GJB7: variants seen among roughly 807,000 people sequenced by gnomAD.
The protein encoded by GJB7 is gap junction protein beta 7.
For synonymous variants in GJB7, 87 were observed against 95.2 expected, an observed-to-expected ratio of 0.91 and a Z score of 0.50; for missense variants, 253 against 256.8, an observed-to-expected ratio of 0.99 and a Z score of 0.10.
chr6:87,311,446 C>G (rs542956335), intron 2 of GJB7, among the ~76,000 whole-genome samples: 1 of 152,234 alleles, frequency 6.6e-6, no homozygotes, highest in South Asian at 2.1e-4. Flanking sequence ...ACAAAGACCA[C>G]CAGAAAAACC....
chr6:87,283,942 C>T lies in GJB7; in HGVS notation c.*299G>A, dbSNP rs1022639648. 2.7e-5 allele frequency: 7 copies of T among 257,826 alleles called. No homozygotes were observed. Among genetic ancestry groups the T allele is most frequent in the Admixed American group, 4.8e-5 (1 of 20,676 alleles). The allele number at this position is 257,826 out of a possible 1,614,324, so 16.0% of individuals were successfully genotyped here. ...ATTCTAAAACAACTAATGTTATCCA[C>T]ATACTGGAGAACCCTACAACAAAAC... On this transcript the variant is annotated 3_prime_UTR_variant, in exon 3 of 3. Transcript: ENST00000525899.
rs1776003985 is a variant in GJB7 at position 87,283,287 on chromosome 6, T to A, written c.*954A>T. 1 of 152,244 alleles carries A rather than the reference T, an allele frequency of 6.6e-6. No individual in the cohort carries two copies. Among genetic ancestry groups the A allele is most frequent in the African/African-American group, 2.4e-5 (1 of 41,458 alleles). 9.4% of individuals were successfully genotyped at this position (152,244 alleles called of 1,614,324 possible). The stretch of plus-strand genomic sequence containing the variant: ...TATGAATATTTACAAAGTATTTCAA[T>A]GTTCTTTTGGTTAAATAGAAGTCTT... On this transcript the variant is annotated 3_prime_UTR_variant, in exon 3 of 3. Transcript: ENST00000525899.
chr6:87,302,610 T>C (rs1469189170), intron 2 of GJB7, among the ~76,000 whole-genome samples: 1 of 152,174 alleles, frequency 6.6e-6, no homozygotes, highest in East Asian at 1.9e-4. Context: ...CTCTGCAGGA[T>C]ATTATGCAGG....
chr6:87,296,660 G>A (rs1323101295), intron 2 of GJB7, among the ~76,000 whole-genome samples: 3 of 152,208 alleles, frequency 2.0e-5, no homozygotes, highest in African/African-American at 7.2e-5. Context: ...TTACAAGTGT[G>A]TTGGACTGAA....
At chr6:87,327,455 C>G (rs1288469211) in intron 1 of GJB7, among the ~76,000 whole-genome samples, 5 of 152,194 alleles carry the variant, frequency 3.3e-5, no homozygotes, top group Admixed American at 6.5e-5. Context: ...GCCTGCTGGT[C>G]ACAAAATCTC....
chr6:87,303,985 A>G (rs923845025), intron 2 of GJB7, among the ~76,000 whole-genome samples: 2 of 152,210 alleles, frequency 1.3e-5, no homozygotes, highest in African/African-American at 2.4e-5. Flanking sequence ...CATAAGAACA[A>G]AGACACAACA....
At chr6:87,318,119 A>AAT (rs1562216691) in intron 2 of GJB7, among the ~76,000 whole-genome samples, 3 of 144,208 alleles carry the variant, frequency 2.1e-5, no homozygotes, top group Non-Finnish European at 4.5e-5. Context: ...TCCCCATTCT[A>AAT]TTTTTTTTTT....
chr6:87,313,245 A>G (rs954659876), intron 2 of GJB7, among the ~76,000 whole-genome samples: 1 of 152,232 alleles, frequency 6.6e-6, no homozygotes, highest in African/African-American at 2.4e-5. Context: ...GGATAAAAAG[A>G]TAGACAAAAA....
chr6:87,305,376 C>T (rs1308443215), intron 2 of GJB7, among the ~76,000 whole-genome samples: 1 of 152,044 alleles, frequency 6.6e-6, no homozygotes, highest in Non-Finnish European at 1.5e-5. Context: ...TTCTTATACA[C>T]CAATAACAGA....
At chr6:87,304,977 C>A (rs547518086) in intron 2 of GJB7, among the ~76,000 whole-genome samples, 5 of 152,086 alleles carry the variant, frequency 3.3e-5, no homozygotes, top group Admixed American at 6.5e-5. Context: ...ATTCAACAGC[C>A]CTTCATGCTA....
intron 2 of GJB7, among the ~76,000 whole-genome samples, chr6:87,309,162 G>A (rs1364956500): frequency 1.3e-5 from 2 of 152,164 alleles, no homozygotes; most frequent in African/African-American, 4.8e-5. Context: ...GATTCACCTT[G>A]TTGGTGTGAA....
At chr6:87,299,354 A>G (rs1371957639) in intron 2 of GJB7, 3 of 489,008 alleles carry the variant, frequency 6.1e-6, no homozygotes, top group Non-Finnish European at 1.2e-5. Flanking sequence ...CTCACAGTAA[A>G]GGATGGAAAA....
intron 2 of GJB7, chr6:87,299,523 A>G (rs1236956912): frequency 3.3e-6 from 1 of 303,836 alleles, no homozygotes; most frequent in Non-Finnish European, 6.4e-6. Flanking sequence ...AGACCACTGT[A>G]CCTGCTCTTT....
chr6:87,284,624 A>G lies in GJB7; in HGVS notation c.289T>C (p.Tyr97His). The G allele has an allele frequency of 6.2e-7, 1 of 1,614,200 alleles. No individual in the cohort carries two copies. Among genetic ancestry groups the G allele is most frequent in the Middle Eastern group, 1.6e-4 (1 of 6,062 alleles). The part of the protein sequence containing the change: ...PSLLVVLHVA[Y>H]HEGREKRHRK... ...TGCCTTTTCTCTCTACCCTCATGAT[A>G]GGCTACATGTAAAACCACCAGAAGT... Residue 97 changes from tyrosine (Y) to histidine (H), a missense_variant, in exon 3 of 3, where the codon TAT (tyrosine) becomes CAT (histidine). Physicochemically the swap from Tyr to His is moderately conservative, Grantham distance 83. Transcript: ENST00000525899.
chr6:87,298,429 T>G (rs1173818626), intron 2 of GJB7, among the ~76,000 whole-genome samples: 2 of 152,214 alleles, frequency 1.3e-5, no homozygotes. Context: ...TGAGTTAAAA[T>G]TAGTCTTCAG....
chr6:87,328,356 C>T (rs374668627), intron 1 of GJB7, among the ~76,000 whole-genome samples: 8 of 152,130 alleles, frequency 5.3e-5, no homozygotes, highest in Admixed American at 2.6e-4. Context: ...AGTTTTTCTG[C>T]TCTGTTTTTT....
intron 2 of GJB7, among the ~76,000 whole-genome samples, chr6:87,317,880 C>CT (rs5878027): frequency 0.59 from 89,427 of 151,954 alleles, 26,640 homozygotes; most frequent in Non-Finnish European, 0.62. Context: ...TAAACTTATG[C>CT]TTTTTTCAAA....
At chr6:87,305,906 G>A (rs963886644) in intron 2 of GJB7, among the ~76,000 whole-genome samples, 2 of 152,186 alleles carry the variant, frequency 1.3e-5, no homozygotes, top group African/African-American at 4.8e-5. Flanking sequence ...TGACAAATCT[G>A]AGAAAAACAA....
At chr6:87,328,026 C>T (rs1364580531) in intron 1 of GJB7, among the ~76,000 whole-genome samples, 1 of 152,034 alleles carries the variant, frequency 6.6e-6, no homozygotes. Flanking sequence ...CACTGATACC[C>T]TTTCTTCCAG....
Sources: gnomAD v4.1 joint callset for allele counts (sites outside exome capture counted in the v4.1 genomes callset) on GRCh38, gnomAD v4.1.1 for gene constraint, MANE v1.5 for transcripts, NCBI Gene and HGNC (gene_info 2026-07-23, HGNC 2026-07-21) for gene names.